The following RGS7BP variants were observed in gnomAD, a reference collection of about 807,000 sequenced individuals.
The protein encoded by RGS7BP is regulator of G protein signaling 7 binding protein, also known as regulator of G protein signaling 7-binding protein.
A neutral mutation model predicts 31.3 loss-of-function variants in RGS7BP; 9 were observed. The ratio of observed to expected loss-of-function variants is 0.29; its 90% CI spans 0.17 to 0.50. The LOEUF (loss-of-function observed/expected upper bound fraction) is 0.50, where lower values mean the gene tolerates loss of function less well. Ranked by LOEUF, RGS7BP falls within the 20% of genes least tolerant of loss-of-function variation. The probability of loss-of-function intolerance (pLI) is 0.98; values close to 1 mark genes in which losing one functional copy is unlikely to be tolerated. For missense variants in RGS7BP, 274 were observed against 322.0 expected, an observed-to-expected ratio of 0.85 and a Z score of 1.14; for synonymous variants, 115 against 120.1, an observed-to-expected ratio of 0.96 and a Z score of 0.28.
At chr5:64,545,555 C>A (rs1313974455) in intron 2 of RGS7BP, among the ~76,000 whole-genome samples, 3 of 151,974 alleles carry the variant, frequency 2.0e-5, no homozygotes. Context: ...GAAAAGGGGG[C>A]AAAACTTAGG....
intron 2 of RGS7BP, among the ~76,000 whole-genome samples, chr5:64,527,689 G>A (rs900491731): frequency 3.0e-4 from 41 of 138,178 alleles, no homozygotes; most frequent in African/African-American, 9.2e-4. Flanking sequence ...AATAAATAAC[G>A]CATACCCAGG....
intron 2 of RGS7BP, among the ~76,000 whole-genome samples, chr5:64,513,348 C>T (rs115120738): frequency 5.9e-4 from 90 of 152,148 alleles, no homozygotes; most frequent in African/African-American, 1.9e-3. Flanking sequence ...CCTTCTCTTC[C>T]TTCTCCTCCT....
chr5:64,519,240 T>G (rs1471437220), intron 2 of RGS7BP, among the ~76,000 whole-genome samples: 1 of 152,186 alleles, frequency 6.6e-6, no homozygotes, highest in South Asian at 2.1e-4. Flanking sequence ...CAACCTCTCC[T>G]TCCTCCTCAT....
intron 2 of RGS7BP, among the ~76,000 whole-genome samples, chr5:64,541,560 T>C (rs1741526576): frequency 6.6e-6 from 1 of 152,228 alleles, no homozygotes; most frequent in African/African-American, 2.4e-5. Flanking sequence ...TCCAGGATCC[T>C]GGTCATCACC....
intron 2 of RGS7BP, among the ~76,000 whole-genome samples, chr5:64,525,720 C>T (rs534385889): frequency 3.7e-4 from 57 of 152,262 alleles, no homozygotes; most frequent in African/African-American, 1.1e-3. Context: ...TTCTAGCCCA[C>T]GATCTTGCCC....
chr5:64,589,159 G>T (rs1742840970), intron 3 of RGS7BP, among the ~76,000 whole-genome samples: 1 of 151,990 alleles, frequency 6.6e-6, no homozygotes, highest in Non-Finnish European at 1.5e-5. Context: ...TTCCGGGCAT[G>T]GTGGTACACA....
intron 2 of RGS7BP, among the ~76,000 whole-genome samples, chr5:64,524,240 G>A (rs1749178026): frequency 6.6e-6 from 1 of 152,118 alleles, no homozygotes; most frequent in Non-Finnish European, 1.5e-5. Flanking sequence ...TTACAAGTGC[G>A]GAAACTATAT....
intron 2 of RGS7BP, among the ~76,000 whole-genome samples, chr5:64,558,538 T>A (rs1385236078): frequency 1.1e-4 from 17 of 152,164 alleles, no homozygotes. Flanking sequence ...CAAAACCCTG[T>A]GATTATTGCA....
chr5:64,571,211 A>G (rs1225940373), intron 2 of RGS7BP, among the ~76,000 whole-genome samples: 3 of 152,128 alleles, frequency 2.0e-5, no homozygotes, highest in African/African-American at 4.8e-5. Flanking sequence ...CTCATTCAAG[A>G]TAAGGCTTTT....
chr5:64,565,746 A>G (rs902423798), intron 2 of RGS7BP, among the ~76,000 whole-genome samples: 2 of 152,144 alleles, frequency 1.3e-5, no homozygotes, highest in Non-Finnish European at 2.9e-5. Flanking sequence ...TTTAACTCAA[A>G]GAGTTTACAG....
Position 64,507,876 on chromosome 5 carries a change from G to A in RGS7BP, c.331G>A (p.Gly111Ser). Residue 111 changes from glycine (G) to serine (S), a missense_variant and splice_region_variant, in exon 2 of 6, where the codon GGC (glycine) becomes AGC (serine). By Grantham distance (56) the Gly-to-Ser change is moderately conservative. Around this residue, in one of 3 missense-constraint regions of RGS7BP, gnomAD observed 149 missense variants for 152.6 expected, o/e 0.98. Transcript: ENST00000334025. Reference sequence around the variant, plus strand: ...ACACCAAAAATTGGCTGCCATCTCAGGGTAGGAGACTCGGCATTATTTGGT... The same window carrying A: ...ACACCAAAAATTGGCTGCCATCTCAAGGTAGGAGACTCGGCATTATTTGGT... ...QAHQKLAAIS[G>S]PEDGEIHPEI... is the part of the protein sequence containing the mutation. 6.2e-7 allele frequency: 1 copy of A among 1,611,088 alleles called. No homozygotes were observed.
chr5:64,522,688 CT>C (rs1749137705), intron 2 of RGS7BP, among the ~76,000 whole-genome samples: 1 of 152,208 alleles, frequency 6.6e-6, no homozygotes, highest in African/African-American at 2.4e-5. Flanking sequence ...TAGATTCAAT[CT>C]TTTGTTTTCT....
chr5:64,540,889 C>T (rs954017919), intron 2 of RGS7BP, among the ~76,000 whole-genome samples: 3 of 152,140 alleles, frequency 2.0e-5, no homozygotes, highest in Non-Finnish European at 4.4e-5. Context: ...AGATGACCTG[C>T]TAGAGGAGTC....
At chr5:64,566,550 C>T (rs112670264) in intron 2 of RGS7BP, among the ~76,000 whole-genome samples, 33 of 152,026 alleles carry the variant, frequency 2.2e-4, no homozygotes, top group African/African-American at 4.3e-4. Context: ...ACATGCACAG[C>T]AGCTATACAT....
At chr5:64,569,455 T>C (rs1396293283) in intron 2 of RGS7BP, among the ~76,000 whole-genome samples, 1 of 152,176 alleles carries the variant, frequency 6.6e-6, no homozygotes, top group Non-Finnish European at 1.5e-5. Context: ...TGGGCTTCTT[T>C]TTTTTTAATT....
rs147361082 is a variant in RGS7BP at position 64,588,271 on chromosome 5, T to C, written c.464-6439T>C. On this transcript the variant is annotated intron_variant, in intron 3 of 5. Transcript: ENST00000334025. ...CTCACATTCGGCACATCTTGCAAAATGGGGCACTGACTGCCCTTTGTTTTA... is the reference window on the plus strand; with the variant it reads ...CTCACATTCGGCACATCTTGCAAAACGGGGCACTGACTGCCCTTTGTTTTA... 7.3e-4 allele frequency among the ~76,000 whole-genome samples: 111 copies of C among 152,286 alleles called. 1 individual carries two copies. In the East Asian group the frequency reaches 0.011, roughly 16 times the overall value.
In RGS7BP at chr5:64,609,591, A is replaced by C. The variant is rs1044952382; in HGVS notation, c.*339A>C. ...TTTAAATGTATTATACAGAGGAAAAATATTTCACATATAATAGTATATCTA... is the reference window on the plus strand; with the variant it reads ...TTTAAATGTATTATACAGAGGAAAACTATTTCACATATAATAGTATATCTA... On this transcript the variant is annotated 3_prime_UTR_variant, in exon 6 of 6. Transcript: ENST00000334025. 4.9e-6 allele frequency: 1 copy of C among 204,100 alleles called. No homozygotes were observed. The highest frequency in any genetic ancestry group is 2.3e-5 in the African/African-American group (1 of 43,676). The allele number at this position is 204,100 out of a possible 1,614,324, so 12.6% of individuals were successfully genotyped here. A position where few individuals can be genotyped will look rare whatever the true frequency, so the allele number is the denominator to read the frequency against.
chr5:64,605,827 T>C (rs899838075), intron 5 of RGS7BP, among the ~76,000 whole-genome samples: 4 of 151,756 alleles, frequency 2.6e-5, no homozygotes, highest in South Asian at 2.1e-4. Flanking sequence ...GTGAGAGAGA[T>C]ATATAGTACA....
At chr5:64,515,996 G>A (rs937504940) in intron 2 of RGS7BP, among the ~76,000 whole-genome samples, 3 of 152,024 alleles carry the variant, frequency 2.0e-5, no homozygotes, top group Non-Finnish European at 4.4e-5. Context: ...AGAGACTGGG[G>A]TCTTGCTATA....
Sources: gnomAD v4.1 joint callset for allele counts (sites outside exome capture counted in the v4.1 genomes callset) on GRCh38, gnomAD v4.1.1 for gene constraint, gnomAD v4.1.1 regional missense constraint, MANE v1.5 for transcripts, NCBI Gene and HGNC (gene_info 2026-07-23, HGNC 2026-07-21) for gene names.